The following PDZD4 variants were observed in gnomAD, a reference collection of about 807,000 sequenced individuals.
PDZD4 encodes PDZ domain-containing protein 4.
A neutral mutation model predicts 38.5 loss-of-function variants in PDZD4; 9 were observed. The observed-to-expected ratio is 0.23, with a 90% CI of 0.14 to 0.41. The LOEUF is 0.41. Ranked by LOEUF, PDZD4 falls within the 10% of genes least tolerant of loss-of-function variation. The pLI is 1.00. For synonymous variants in PDZD4, 349 were observed against 315.7 expected, an observed-to-expected ratio of 1.11 and a Z score of -1.12; for missense variants, 612 against 722.0, an observed-to-expected ratio of 0.85 and a Z score of 1.75.
At position 153,804,892 on chromosome X, in the gene PDZD4, G is replaced by A; in HGVS notation, c.789C>T (p.Asn263=). Reference sequence around the variant, plus strand: ...CATCGGGAGCCCCCTTCTCCTCTTCGTTTCCGGGCTAGAGCAGAAAGGTAA... The same window carrying A: ...CATCGGGAGCCCCCTTCTCCTCTTCATTTCCGGGCTAGAGCAGAAAGGTAA... ...LKSPPAQQPG[N]EEEKGAPDAG... is the part of the protein sequence containing the mutation. Residue 263 remains asparagine, a synonymous_variant, in exon 8 of 8, where the codon AAC becomes AAT. Transcript: ENST00000393758. 5 of 1,207,102 alleles carry A rather than the reference G, an allele frequency of 4.1e-6. No individual in the cohort carries two copies. Among genetic ancestry groups the A allele is most frequent in the Non-Finnish European group, 5.6e-6 (5 of 892,934 alleles).
In PDZD4 at chrX:153,807,318, G is replaced by A; in HGVS notation, c.366C>T (p.Gly122=). ...CATCCAAGCGGTCTGCCTCCTGCGG[G>A]CCGCCCTCCATAAACTCCGCCGGGT... is the stretch of plus-strand genomic sequence containing the variant. The part of the protein sequence containing the change: ...YYDPAEFMEG[G]PQEADRLDEL... Residue 122 remains glycine, a synonymous_variant, in exon 3 of 8, where the codon GGC becomes GGT. Coordinates refer to ENST00000393758, the MANE Select transcript of PDZD4 (RefSeq NM_001303512.2). The A allele has an allele frequency of 1.7e-6, 2 of 1,210,266 alleles. No homozygotes were observed. The highest frequency in any genetic ancestry group is 3.5e-5 in the African/African-American group (2 of 57,958).
In PDZD4 at chrX:153,802,439, C is replaced by T. The variant is rs2092178132; in HGVS notation, c.*914G>A. The T allele has an allele frequency of 8.9e-6, 1 of 111,735 alleles. No individual in the cohort carries two copies. Among genetic ancestry groups the T allele is most frequent in the Admixed American group, 9.4e-5 (1 of 10,589 alleles). The allele number at this position is 111,735 out of a possible 1,213,427, so 9.2% of individuals were successfully genotyped here. On this transcript the variant is annotated 3_prime_UTR_variant, in exon 8 of 8. Transcript: ENST00000393758. ...CACTGCTGCTCATGGGGCTTGGTTT[C>T]TAGAGCCCTCACCATCTAAGCACCT... is the stretch of plus-strand genomic sequence containing the variant.
chrX:153,829,534 G>A (rs1343967483), intron 1 of PDZD4: 2 of 154,182 alleles, frequency 1.3e-5, no homozygotes, highest in African/African-American at 3.2e-5. Flanking sequence ...CGGGGCACAG[G>A]AACGCACTCA....
intron 1 of PDZD4, among the ~76,000 whole-genome samples, chrX:153,813,173 G>A (rs1027194189): frequency 8.9e-6 from 1 of 112,183 alleles, no homozygotes; most frequent in Admixed American, 9.5e-5. Context: ...TGGAAGAGAT[G>A]TAAAACTTCT....
In PDZD4 at chrX:153,805,215, G is replaced by C. The variant is rs200173879; in HGVS notation, c.670-8C>G. On this transcript the variant is annotated splice_region_variant and splice_polypyrimidine_tract_variant and intron_variant, in intron 6 of 7. Transcript: ENST00000393758. ...CTTCCACCTTTTCGCCAGCTGTGGA[G>C]ACAGGCCCTGGTGTCCCCACAGCTT... The C allele has an allele frequency of 1.2e-3, 1,411 of 1,189,337 alleles. 3 individuals are homozygous for C. In the Middle Eastern group the frequency reaches 0.016, roughly 14 times the overall value.
chrX:153,820,526 AAAAC>A (rs370275491), intron 1 of PDZD4, among the ~76,000 whole-genome samples: 130 of 110,790 alleles, frequency 1.2e-3, no homozygotes, highest in African/African-American at 4.0e-3. Context: ...TCTCAAAAAC[AAAAC>A]AAACAAACAA....
intron 1 of PDZD4, among the ~76,000 whole-genome samples, chrX:153,821,250 G>A (rs1314929194): frequency 9.1e-6 from 1 of 110,384 alleles, no homozygotes; most frequent in African/African-American, 3.3e-5. Flanking sequence ...AGTTAGTCGG[G>A]GGAGGGGTGT....
At chrX:153,813,011 G>A (rs781862291) in intron 1 of PDZD4, among the ~76,000 whole-genome samples, 7 of 109,949 alleles carry the variant, frequency 6.4e-5, no homozygotes, top group South Asian at 4.1e-4. Context: ...CTGGGAGCTC[G>A]CCCCACCAAG....
intron 1 of PDZD4, among the ~76,000 whole-genome samples, chrX:153,829,030 AC>A (rs2148480778): frequency 9.0e-6 from 1 of 111,191 alleles, no homozygotes; most frequent in South Asian, 3.8e-4. Flanking sequence ...GGCCCCGCGC[AC>A]CCCCGGAGAA....
chrX:153,818,871 T>G (rs1557080544), intron 1 of PDZD4, among the ~76,000 whole-genome samples: 1 of 74,307 alleles, frequency 1.3e-5, no homozygotes, highest in African/African-American at 5.4e-5. Flanking sequence ...GAGGGGGACA[T>G]GCGGGCAAGG....
Position 153,807,339 on chromosome X carries a change from C to T in PDZD4, c.345G>A (p.Pro115=), listed in dbSNP as rs185045520. Residue 115 remains proline (P), a synonymous_variant, in exon 3 of 8, where the codon CCG becomes CCA. Coordinates refer to ENST00000393758, the MANE Select transcript of PDZD4 (RefSeq NM_001303512.2). The part of the protein sequence containing the change: ...LPPISHEYYD[P]AEFMEGGPQE... ...GCGGGCCGCCCTCCATAAACTCCGC[C>T]GGGTCATAATACTCATGGCTGATTG... The T allele has an allele frequency of 2.9e-5, 35 of 1,208,517 alleles. No individual in the cohort carries two copies. The highest frequency in any genetic ancestry group is 3.7e-5 in the Non-Finnish European group (33 of 894,410).
At chrX:153,823,638 C>T (rs1212067112) in intron 1 of PDZD4, among the ~76,000 whole-genome samples, 2 of 112,597 alleles carry the variant, frequency 1.8e-5, no homozygotes, top group African/African-American at 6.5e-5. Flanking sequence ...AGGCGTGAGC[C>T]ACCGCACCCA....
At chrX:153,805,698 CGGCTGGGCTA>C in intron 5 of PDZD4, 92 bp from the exon 6 acceptor site, 3 of 708,509 alleles carry the variant, frequency 4.2e-6, no homozygotes, top group Non-Finnish European at 6.6e-6. Flanking sequence ...ACTCTGGGCT[CGGCTGGGCTA>C]GGCTGGGGCT....
chrX:153,806,093 C>A lies in PDZD4; in HGVS notation c.545G>T (p.Arg182Leu). ...CACCTGGATGATGCGGTCTCCCTCACGGATCCGGCCGTCTTTGGCTGCAAT... is the reference window on the plus strand; with the variant it reads ...CACCTGGATGATGCGGTCTCCCTCAAGGATCCGGCCGTCTTTGGCTGCAAT... ...NSIAAKDGRI[R>L]EGDRIIQING... Residue 182 changes from arginine to leucine, a missense_variant, in exon 5 of 8, where the codon CGT (arginine) becomes CTT (leucine). Physicochemically the swap from Arg to Leu is moderately radical, Grantham distance 102 (BLOSUM62 -2). Transcript: ENST00000393758. The A allele has an allele frequency of 1.7e-6, 2 of 1,211,722 alleles. No homozygotes were observed. Among genetic ancestry groups the A allele is most frequent in the Non-Finnish European group, 2.2e-6 (2 of 895,466 alleles).
chrX:153,818,774 T>C (rs2064388469), intron 1 of PDZD4, among the ~76,000 whole-genome samples: 1 of 110,853 alleles, frequency 9.0e-6, no homozygotes, highest in African/African-American at 3.3e-5. Context: ...CAGGTTGGGT[T>C]TTCAGGAACA....
chrX:153,815,553 T>G (rs1309938448), intron 1 of PDZD4, among the ~76,000 whole-genome samples: 1 of 112,928 alleles, frequency 8.9e-6, no homozygotes, highest in African/African-American at 3.2e-5. Context: ...CTAAGTAATT[T>G]AGTCTAAAAC....
At chrX:153,829,110 G>A (rs1435744586) in intron 1 of PDZD4, among the ~76,000 whole-genome samples, 2 of 111,317 alleles carry the variant, frequency 1.8e-5, no homozygotes, top group South Asian at 3.8e-4. Context: ...CCTGCCCCTC[G>A]GCTCCCGCAC....
At chrX:153,805,326 G>A in intron 6 of PDZD4, 119 bp from the exon 7 acceptor site, 14 of 752,963 alleles carry the variant, frequency 1.9e-5, no homozygotes, top group South Asian at 4.9e-5. Context: ...TGGGGGCAGC[G>A]TCCCAGCCCC....
chrX:153,828,662 C>G (rs2064507280), intron 1 of PDZD4, among the ~76,000 whole-genome samples: 2 of 112,726 alleles, frequency 1.8e-5, no homozygotes, highest in Non-Finnish European at 3.8e-5. Context: ...GCTCGGGTCG[C>G]TCTCCCCTAT....
Sources: gnomAD v4.1 joint callset for allele counts (sites outside exome capture counted in the v4.1 genomes callset) on GRCh38, gnomAD v4.1.1 for gene constraint, MANE v1.5 for transcripts, NCBI Gene and HGNC (gene_info 2026-07-23, HGNC 2026-07-21) for gene names.